SMAD3: variants seen among roughly 807,000 people sequenced by gnomAD.
SMAD3 encodes MAD homolog 3.
Under a neutral mutation model 51.8 loss-of-function variants are expected in SMAD3, and 12 were observed. The ratio of observed to expected loss-of-function variants is 0.23; its 90% CI spans 0.15 to 0.38. The LOEUF is 0.38. SMAD3 is among the 10% of genes least tolerant of loss of function. The pLI, the probability that SMAD3 is intolerant of heterozygous loss-of-function variation, is 1.00. For missense variants in SMAD3, 294 were observed against 565.6 expected (o/e 0.52, Z 4.87); for synonymous variants, 238 against 227.7 (o/e 1.05, Z -0.41).
Position 67,190,840 on chromosome 15 carries a change from C to G in SMAD3, c.*304C>G, listed in dbSNP as rs565932125. On this transcript the variant is annotated 3_prime_UTR_variant, in exon 9 of 9. Transcript: ENST00000327367. ...TATTACACCACCGGCCCCCTCCCCC[C>G]AGACTCTTTTTTTGAGTGACAGCTT... The G allele has an allele frequency of 8.8e-6, 4 of 455,654 alleles. No individual in the cohort carries two copies. Among genetic ancestry groups the G allele is most frequent in the Non-Finnish European group, 1.6e-5 (4 of 248,258 alleles). The allele number at this position is 455,654 out of a possible 1,614,324, so 28.2% of individuals were successfully genotyped here.
chr15:67,181,471 T>TGGGCCCCC lies in SMAD3; in HGVS notation c.871+18_871+19insGGGCCCCC. The TGGGCCCCC allele has an allele frequency of 6.6e-7, 1 of 1,521,054 alleles. No homozygotes were observed. Among genetic ancestry groups the TGGGCCCCC allele is most frequent in the Non-Finnish European group, 8.8e-7 (1 of 1,131,988 alleles). The allele number at this position is 1,521,054 out of a possible 1,614,324, so 94.2% of individuals were successfully genotyped here. ...ACACATCGGTATGGGGTGGCTCCAT[T>TGGGCCCCC]CCCCGCCCCCCCACCCTGCCCCTGC... On this transcript the variant is annotated intron_variant, in intron 6 of 8. Coordinates refer to ENST00000327367, the MANE Select transcript of SMAD3 (RefSeq NM_005902.4).
intron 1 of SMAD3, among the ~76,000 whole-genome samples, chr15:67,107,303 A>G (rs1960900767): frequency 6.6e-6 from 1 of 152,218 alleles, no homozygotes; most frequent in African/African-American, 2.4e-5. Flanking sequence ...AGAGAGAAGT[A>G]GCTTTATCTG....
At chr15:67,162,948 G>T (rs1962469440) in intron 1 of SMAD3, among the ~76,000 whole-genome samples, 1 of 66,152 alleles carries the variant, frequency 1.5e-5, no homozygotes, top group South Asian at 5.3e-4. Flanking sequence ...AGGTTTCTGT[G>T]ATGATGATGA....
intron 1 of SMAD3, among the ~76,000 whole-genome samples, chr15:67,075,490 C>T (rs929563740): frequency 6.6e-6 from 1 of 152,176 alleles, no homozygotes; most frequent in South Asian, 2.1e-4. Flanking sequence ...CAAAGCCTCT[C>T]AAGTCTGATG....
intron 5 of SMAD3, among the ~76,000 whole-genome samples, chr15:67,173,007 A>G (rs2046554137): frequency 6.6e-6 from 1 of 152,108 alleles, no homozygotes; most frequent in Non-Finnish European, 1.5e-5. Flanking sequence ...TGGAAGAGGG[A>G]CCACAGACAT....
rs1187845795 is a variant in SMAD3, at chr15:67,183,001, AT to A, written c.871+1549del. 9.7e-3 allele frequency among the ~76,000 whole-genome samples: 458 copies of A among 47,324 alleles called. 6 individuals are homozygous for A. Among genetic ancestry groups the A allele is most frequent in the African/African-American group, 0.025 (203 of 8,154 alleles). The allele number at this position is 47,324 out of a possible 152,430, so 31.0% of individuals were successfully genotyped here. ...TATATTTTATTAAAAAAAAAAAAAAATATATATATATATATATATATATATA... is the reference window on the plus strand; with the variant it reads ...TATATTTTATTAAAAAAAAAAAAAAAATATATATATATATATATATATATA... On this transcript the variant is annotated intron_variant, in intron 6 of 8. Coordinates refer to ENST00000327367, the MANE Select transcript of SMAD3 (RefSeq NM_005902.4).
intron 1 of SMAD3, among the ~76,000 whole-genome samples, chr15:67,117,799 GTC>G (rs1961169263): frequency 6.6e-6 from 1 of 152,196 alleles, no homozygotes; most frequent in Non-Finnish European, 1.5e-5. Context: ...TCTAGTAAGA[GTC>G]TGAAATTTGG....
At chr15:67,091,171 C>T (rs1465128680) in intron 1 of SMAD3, among the ~76,000 whole-genome samples, 2 of 152,236 alleles carry the variant, frequency 1.3e-5, no homozygotes, top group Non-Finnish European at 2.9e-5. Flanking sequence ...TGCTATGGTG[C>T]ATGGTGGGCA....
intron 1 of SMAD3, among the ~76,000 whole-genome samples, chr15:67,138,903 T>G (rs955182745): frequency 2.6e-5 from 4 of 152,254 alleles, no homozygotes; most frequent in African/African-American, 9.6e-5. Context: ...TGCTTTCTCT[T>G]TACTCTTTTA....
chr15:67,151,012 T>A (rs1186798664), intron 1 of SMAD3, among the ~76,000 whole-genome samples: 1 of 151,396 alleles, frequency 6.6e-6, no homozygotes, highest in Non-Finnish European at 1.5e-5. Context: ...CCCACCACCA[T>A]GCCTGGCTAA....
At chr15:67,121,879 C>G (rs1369441019) in intron 1 of SMAD3, among the ~76,000 whole-genome samples, 1 of 152,238 alleles carries the variant, frequency 6.6e-6, no homozygotes, top group Non-Finnish European at 1.5e-5. Context: ...CAAATGCCAT[C>G]TGATTTCATT....
intron 5 of SMAD3, among the ~76,000 whole-genome samples, chr15:67,175,977 G>A (rs959156348): frequency 6.6e-6 from 1 of 152,200 alleles, no homozygotes; most frequent in Non-Finnish European, 1.5e-5. Context: ...GTCAGCTGTC[G>A]GCTCTGTCTT....
intron 5 of SMAD3, among the ~76,000 whole-genome samples, chr15:67,172,245 A>G (rs1962773503): frequency 6.6e-6 from 1 of 152,216 alleles, no homozygotes; most frequent in Non-Finnish European, 1.5e-5. Flanking sequence ...CTGAAAGTTG[A>G]GAATTCTTAG....
At chr15:67,151,618 A>G (rs996709554) in intron 1 of SMAD3, among the ~76,000 whole-genome samples, 1 of 152,212 alleles carries the variant, frequency 6.6e-6, no homozygotes, top group Admixed American at 6.5e-5. Flanking sequence ...AGCATGAGCC[A>G]TTGCACCCAG....
At chr15:67,116,967 C>T (rs1051264378) in intron 1 of SMAD3, among the ~76,000 whole-genome samples, 2 of 152,142 alleles carry the variant, frequency 1.3e-5, no homozygotes, top group Middle Eastern at 3.2e-3. Flanking sequence ...ACTTGGAAAT[C>T]CCCAAGCTTA....
intron 4 of SMAD3, among the ~76,000 whole-genome samples, chr15:67,168,513 C>T (rs928152488): frequency 1.3e-4 from 20 of 152,234 alleles, no homozygotes; most frequent in Non-Finnish European, 2.9e-5. Context: ...TGTGTTTCTT[C>T]CCACTCTGCG....
intron 5 of SMAD3, among the ~76,000 whole-genome samples, chr15:67,177,440 T>C (rs1962935242): frequency 7.1e-6 from 1 of 140,314 alleles, no homozygotes; most frequent in Non-Finnish European, 1.5e-5. Flanking sequence ...TTTTTTGGTG[T>C]GTGGCAGAGT....
chr15:67,159,478 A>G (rs1962369779), intron 1 of SMAD3, among the ~76,000 whole-genome samples: 1 of 152,234 alleles, frequency 6.6e-6, no homozygotes, highest in African/African-American at 2.4e-5. Flanking sequence ...TATTAAGTCC[A>G]TTGCCTTTTT....
Position 67,193,615 on chromosome 15 carries a change from C to CT in SMAD3, c.*3082dup, listed in dbSNP as rs1963422868. 3 of 233,344 alleles carry CT rather than the reference C, an allele frequency of 1.3e-5. 1 individual carries two copies. Among genetic ancestry groups the CT allele is most frequent in the Non-Finnish European group, 2.5e-5 (3 of 117,944 alleles). 14.5% of individuals were successfully genotyped at this position (233,344 alleles called of 1,614,324 possible). On this transcript the variant is annotated 3_prime_UTR_variant, in exon 9 of 9. Coordinates refer to ENST00000327367, the MANE Select transcript of SMAD3 (RefSeq NM_005902.4). ...AGCCTAGAGGAGTCAGGAGCAGGGA[C>CT]TTTGACTCTTAGGAAGAGCACACAT...
Sources: allele counts gnomAD v4.1 joint callset (sites outside exome capture counted in the v4.1 genomes callset), GRCh38; gene constraint gnomAD v4.1.1; transcripts MANE v1.5; gene names NCBI Gene and HGNC (gene_info 2026-07-23, HGNC 2026-07-21).